The following LMO3 variants were observed in gnomAD, a reference collection of about 807,000 sequenced individuals.
LMO3 encodes LIM domain only 3.
LMO3 carries 2 observed loss-of-function variants against 15.8 expected under a neutral mutation model. The ratio of observed to expected loss-of-function variants is 0.13; its 90% CI spans 0.05 to 0.40. The LOEUF (loss-of-function observed/expected upper bound fraction) is 0.40. Ranked by LOEUF, LMO3 falls within the 10% of genes least tolerant of loss-of-function variation. The pLI is 0.99. For missense variants in LMO3, 86 were observed against 182.2 expected, an observed-to-expected ratio of 0.47 and a Z score of 3.04; for synonymous variants, 62 against 63.8, an observed-to-expected ratio of 0.97 and a Z score of 0.13.
rs1219044115 is a variant in LMO3 at position 16,555,173 on chromosome 12, T to TGA, written c.333-3847_333-3846insTC. Among the ~76,000 whole-genome samples the TGA allele has an allele frequency of 6.6e-6, 1 of 152,246 alleles. No homozygotes were observed. Among genetic ancestry groups the TGA allele is most frequent in the African/African-American group, 2.4e-5 (1 of 41,468 alleles). On this transcript the variant is annotated intron_variant, in intron 3 of 3. Coordinates refer to ENST00000537304, the MANE Select transcript of LMO3 (RefSeq NM_018640.5). This position sits in a 1 kb window ranked among gnomAD's most constrained non-coding sequence, Gnocchi z 5.5. ...ACTTTATCAGAATTTGCTATCATTA[T>TGA]TATTTGGTAATGATAATCTTTTCAC...
At chr12:16,588,452 A>G (rs993573546) in intron 2 of LMO3, among the ~76,000 whole-genome samples, 19 of 152,060 alleles carry the variant, frequency 1.2e-4, no homozygotes, top group Non-Finnish European at 2.9e-5. Context: ...ATTCTACTCT[A>G]TGGAATATTA....
At chr12:16,609,247 A>T (rs1944082222), upstream of LMO3, 1 of 152,174 alleles carries the variant, frequency 6.6e-6, no homozygotes, top group Non-Finnish European at 1.5e-5. Flanking sequence ...TCTTCTGCTG[A>T]CACTTTGCGA....
rs930312922 is a variant in LMO3 at position 16,593,920 on chromosome 12, T to C, written c.206+6735A>G. Among the ~76,000 whole-genome samples the C allele has an allele frequency of 5.9e-4, 90 of 151,638 alleles. No homozygotes were observed. The highest frequency in any genetic ancestry group is 2.1e-3 in the African/African-American group (86 of 41,364). ...TATATTATCATAGTAAAAACAGAAC[T>C]AGAACAGGCAGTATCAAACTCCCTC... is the stretch of plus-strand genomic sequence containing the variant. On this transcript the variant is annotated intron_variant, in intron 2 of 3. Coordinates refer to ENST00000537304, the MANE Select transcript of LMO3 (RefSeq NM_018640.5). This position sits in a 1 kb window ranked among gnomAD's most constrained non-coding sequence, Gnocchi z 4.2.
At chr12:16,565,307 A>G (rs1410372834) in intron 2 of LMO3, among the ~76,000 whole-genome samples, 1 of 152,210 alleles carries the variant, frequency 6.6e-6, no homozygotes, top group Non-Finnish European at 1.5e-5. Context: ...TCACAGATTG[A>G]AGGACAATTG....
chr12:16,563,879 G>A (rs750397259), intron 2 of LMO3, among the ~76,000 whole-genome samples: 1 of 152,164 alleles, frequency 6.6e-6, no homozygotes, highest in Non-Finnish European at 1.5e-5. Context: ...ATTTTAAGAT[G>A]TCTTATAGAT....
At chr12:16,607,797 A>C (rs1228543919), upstream of LMO3, 5 of 151,464 alleles carry the variant, frequency 3.3e-5, no homozygotes, top group African/African-American at 9.7e-5. Flanking sequence ...ATTTAAGCTA[A>C]ATTTTGTTTT....
chr12:16,602,851 T>G (rs941834381), intron 1 of LMO3, among the ~76,000 whole-genome samples: 6 of 152,156 alleles, frequency 3.9e-5, no homozygotes, highest in Non-Finnish European at 8.8e-5. Context: ...TCAGTGAAAT[T>G]CTGGATGGTG....
In LMO3 at chr12:16,603,858, A is replaced by G. The variant is rs1481262797; in HGVS notation, c.-9+2208T>C. Among the ~76,000 whole-genome samples, 1 of 152,202 alleles carries G rather than the reference A, an allele frequency of 6.6e-6. No homozygotes were observed. The highest frequency in any genetic ancestry group is 2.4e-5 in the African/African-American group (1 of 41,430). ...GGGTTTAAAAAAAATAATAATAATG[A>G]AAGATTTGCAGCACTTAGACACAGT... On this transcript the variant is annotated intron_variant, in intron 1 of 3. Transcript: ENST00000537304. The surrounding 1 kb of genome is among the most constrained non-coding windows in gnomAD (Gnocchi z 4.9).
chr12:16,575,709 C>T (rs1251444324), intron 2 of LMO3, among the ~76,000 whole-genome samples: 1 of 152,122 alleles, frequency 6.6e-6, no homozygotes, highest in African/African-American at 2.4e-5. Context: ...GATTTCCCCT[C>T]TTGTGTCAAG....
intron 3 of LMO3, among the ~76,000 whole-genome samples, chr12:16,552,376 G>A (rs959851451): frequency 6.6e-6 from 1 of 152,036 alleles, no homozygotes; most frequent in Non-Finnish European, 1.5e-5. Flanking sequence ...TTCAAATGAT[G>A]TTCCAGCAGA....
At chr12:16,583,327 A>G (rs1943224502) in intron 2 of LMO3, among the ~76,000 whole-genome samples, 1 of 152,156 alleles carries the variant, frequency 6.6e-6, no homozygotes, top group South Asian at 2.1e-4. Context: ...TAAAAAAATT[A>G]GACAATAGGG....
intron 2 of LMO3, among the ~76,000 whole-genome samples, chr12:16,570,229 A>G (rs1158550496): frequency 1.3e-5 from 2 of 152,144 alleles, no homozygotes; most frequent in African/African-American, 4.8e-5. Context: ...GAAACTTTTT[A>G]TGTAAGTAAT....
intron 2 of LMO3, among the ~76,000 whole-genome samples, chr12:16,583,785 G>T (rs1591810494): frequency 6.6e-6 from 1 of 152,182 alleles, no homozygotes; most frequent in Non-Finnish European, 1.5e-5. Flanking sequence ...GCTAGCACAG[G>T]CATGGGAGGA....
At chr12:16,561,133 A>G (rs1234561248) in intron 2 of LMO3, among the ~76,000 whole-genome samples, 1 of 152,202 alleles carries the variant, frequency 6.6e-6, no homozygotes, top group Non-Finnish European at 1.5e-5. Flanking sequence ...ATATATAGCT[A>G]GACCAGAAAT....
At chr12:16,592,357 G>T (rs768969763) in intron 2 of LMO3, among the ~76,000 whole-genome samples, 19 of 151,960 alleles carry the variant, frequency 1.3e-4, no homozygotes, top group Non-Finnish European at 1.6e-4. Flanking sequence ...AATGGTCACA[G>T]AAAATACTGG....
rs553541307 is a variant in LMO3 at position 16,550,002 on chromosome 12, T to C, written c.*1220A>G. ...ACATCAAACTTAAAGTGTTTACTTT[T>C]TGAACATTAAAATAAATGTCAGGTA... On this transcript the variant is annotated 3_prime_UTR_variant, in exon 4 of 4. Coordinates refer to ENST00000537304, the MANE Select transcript of LMO3 (RefSeq NM_018640.5). 6.6e-5 allele frequency: 10 copies of C among 152,190 alleles called. No homozygotes were observed. The East Asian group carries it at 1.2e-3, about 18-fold the overall frequency. The allele number at this position is 152,190 out of a possible 1,614,324, so 9.4% of individuals were successfully genotyped here.
At chr12:16,564,730 G>A (rs1369163075) in intron 2 of LMO3, among the ~76,000 whole-genome samples, 1 of 152,124 alleles carries the variant, frequency 6.6e-6, no homozygotes, top group African/African-American at 2.4e-5. Flanking sequence ...CCTTAATTCT[G>A]AGTAAAGATC....
At chr12:16,600,315 A>AAAAAAAAAAAAAAAAAAT (rs1943785256) in intron 2 of LMO3, 1 of 149,876 alleles carries the variant, frequency 6.7e-6, no homozygotes. Context: ...AAAAAAAAAA[A>AAAAAAAAAAAAAAAAAAT]GAAAAAAAAG....
chr12:16,595,599 G>A (rs1218573721), intron 2 of LMO3, among the ~76,000 whole-genome samples: 1 of 151,064 alleles, frequency 6.6e-6, no homozygotes, highest in Non-Finnish European at 1.5e-5. Flanking sequence ...TACAATAAAG[G>A]GAAAAATGAT....
Sources: allele counts gnomAD v4.1 joint callset (sites outside exome capture counted in the v4.1 genomes callset), GRCh38; gene constraint gnomAD v4.1.1; non-coding constraint Gnocchi (gnomAD v3.1); transcripts MANE v1.5; gene names NCBI Gene and HGNC (gene_info 2026-07-23, HGNC 2026-07-21).